The following DLG2 variants were observed in gnomAD, a reference collection of about 807,000 sequenced individuals.
DLG2 encodes disks large homolog 2.
Under a neutral mutation model 132.5 loss-of-function variants are expected in DLG2, and 45 were observed. That is an observed-to-expected ratio of 0.34 (90% confidence interval 0.27 to 0.44). DLG2 has a LOEUF of 0.44. Among genes scored for constraint, DLG2 ranks in the 20% least tolerant of loss-of-function variants. DLG2 has a pLI of 1.00. For synonymous variants in DLG2, 424 were observed against 419.6 expected, an observed-to-expected ratio of 1.01 and a Z score of -0.13; for missense variants, 1,045 against 1,196.9, an observed-to-expected ratio of 0.87 and a Z score of 1.87.
Position 85,154,648 on chromosome 11 carries a change from TA to T in DLG2, c.189del (p.Thr64GlnfsTer74). 6.8e-7 allele frequency: 1 copy of T among 1,460,160 alleles called. No homozygotes were observed. Among genetic ancestry groups the T allele is most frequent in the Non-Finnish European group, 9.3e-7 (1 of 1,074,828 alleles). The allele number at this position is 1,460,160 out of a possible 1,614,324, so 90.5% of individuals were successfully genotyped here. On this transcript the variant is annotated frameshift_variant and splice_region_variant, in exon 5 of 28. Coordinates refer to ENST00000376104, the MANE Select transcript of DLG2 (RefSeq NM_001142699.3). LOFTEE classifies it high-confidence loss of function. ...CHDRLQKSSELTDCSGSKENA... is the reference protein window; with the variant it reads ...CHDRLQKSSEXTDCSGSKENA... The stretch of plus-strand genomic sequence containing the variant: ...TTTTCCTTTGATCCACTGCAATCTG[TA>T]AGCTAAAATAAAAGTTTAAAAAATC...
chr11:84,006,339 A>C (rs978849789), intron 11 of DLG2, among the ~76,000 whole-genome samples: 1 of 151,576 alleles, frequency 6.6e-6, no homozygotes, highest in Non-Finnish European at 1.5e-5. Context: ...GTGCAAATAC[A>C]CTTAGATGAA....
intron 4 of DLG2, among the ~76,000 whole-genome samples, chr11:85,274,862 A>T (rs2077786311): frequency 1.3e-5 from 2 of 152,232 alleles, no homozygotes; most frequent in African/African-American, 4.8e-5. Flanking sequence ...AGAGGCCAAG[A>T]ATAATCTAAA....
intron 6 of DLG2, among the ~76,000 whole-genome samples, chr11:84,700,033 A>T (rs484986): frequency 0.36 from 55,208 of 151,378 alleles, 11,209 homozygotes; most frequent in Middle Eastern, 0.48. Flanking sequence ...AGTATTAGAG[A>T]TATATGCTTT....
chr11:85,000,861 C>T (rs1371278796), intron 6 of DLG2, among the ~76,000 whole-genome samples: 1 of 152,056 alleles, frequency 6.6e-6, no homozygotes, highest in African/African-American at 2.4e-5. Flanking sequence ...TCTGAGAACA[C>T]AGCCTCATCA....
At chr11:83,599,052 C>T (rs935182888) in intron 19 of DLG2, among the ~76,000 whole-genome samples, 2 of 152,176 alleles carry the variant, frequency 1.3e-5, no homozygotes, top group Non-Finnish European at 2.9e-5. Context: ...AAACAGGTTC[C>T]CCTATTTCCT....
intron 18 of DLG2, among the ~76,000 whole-genome samples, chr11:83,688,450 T>C (rs1056056139): frequency 6.6e-6 from 1 of 152,122 alleles, no homozygotes; most frequent in Non-Finnish European, 1.5e-5. Context: ...GATTTATGCA[T>C]CCAGAAGGGA....
chr11:84,779,040 C>T (rs938498805), intron 6 of DLG2, among the ~76,000 whole-genome samples: 1 of 152,160 alleles, frequency 6.6e-6, no homozygotes, highest in Non-Finnish European at 1.5e-5. Context: ...CCTGCACTGT[C>T]GGCTTCCCTA....
intron 4 of DLG2, among the ~76,000 whole-genome samples, chr11:85,201,832 C>A (rs959669297): frequency 1.3e-5 from 2 of 148,910 alleles, no homozygotes; most frequent in African/African-American, 4.9e-5. Context: ...CAAGGAAGCT[C>A]AATGAACTTC....
At chr11:83,885,037 C>T (rs532945930) in intron 15 of DLG2, among the ~76,000 whole-genome samples, 54 of 151,490 alleles carry the variant, frequency 3.6e-4, no homozygotes, top group Middle Eastern at 3.2e-3. Context: ...AAAAGCAGAG[C>T]GCCTCTCCTC....
intron 7 of DLG2, among the ~76,000 whole-genome samples, chr11:84,278,998 G>T (rs934470823): frequency 5.3e-5 from 8 of 152,056 alleles, no homozygotes; most frequent in Non-Finnish European, 8.8e-5. Flanking sequence ...CTTCTGCACA[G>T]CCTATGAAAC....
Position 84,934,502 on chromosome 11 carries a change from GTGTTTTTTTTTTGTTTTGTTT to G in DLG2, c.357+177138_357+177158del, listed in dbSNP as rs1258350702. On this transcript the variant is annotated intron_variant, in intron 6 of 27. Transcript: ENST00000376104. Reference sequence around the variant, plus strand: ...CATCTGTGAATCTGTATGGTCCTGGGTGTTTTTTTTTTGTTTTGTTTTGTTTTTTTTTTTTTTTTTTTTTGG... The same window carrying G: ...CATCTGTGAATCTGTATGGTCCTGGGTGTTTTTTTTTTTTTTTTTTTTTGG... Among the ~76,000 whole-genome samples, 90 of 65,738 alleles carry G rather than the reference GTGTTTTTTTTTTGTTTTGTTT, an allele frequency of 1.4e-3. 3 individuals carry two copies. The highest frequency in any genetic ancestry group is 2.0e-3 in the Non-Finnish European group (74 of 37,434). 43.1% of individuals were successfully genotyped at this position (65,738 alleles called of 152,430 possible). A position where few individuals can be genotyped will look rare whatever the true frequency, so the allele number is the denominator to read the frequency against.
intron 11 of DLG2, among the ~76,000 whole-genome samples, chr11:84,020,872 T>C (rs554194679): frequency 6.6e-6 from 1 of 152,318 alleles, no homozygotes; most frequent in East Asian, 1.9e-4. Context: ...CTTAAAGTGC[T>C]AGAGCCAATT....
At chr11:85,321,894 A>G (rs1421724242) in intron 3 of DLG2, among the ~76,000 whole-genome samples, 2 of 152,068 alleles carry the variant, frequency 1.3e-5, no homozygotes, top group East Asian at 3.8e-4. Flanking sequence ...GTGTGTATAA[A>G]TTTGTTGAGT....
chr11:84,493,549 G>A (rs1049064634), intron 7 of DLG2, among the ~76,000 whole-genome samples: 1 of 151,964 alleles, frequency 6.6e-6, no homozygotes, highest in Non-Finnish European at 1.5e-5. Flanking sequence ...GGATACTGTA[G>A]TAGTCAGAAA....
At chr11:83,773,273 T>A (rs2094466623) in intron 18 of DLG2, among the ~76,000 whole-genome samples, 1 of 152,190 alleles carries the variant, frequency 6.6e-6, no homozygotes, top group South Asian at 2.1e-4. Context: ...GAAATTACAA[T>A]GATGATAATA....
At chr11:84,451,976 A>G (rs1276420306) in intron 7 of DLG2, among the ~76,000 whole-genome samples, 1 of 151,772 alleles carries the variant, frequency 6.6e-6, no homozygotes, top group East Asian at 1.9e-4. Flanking sequence ...ATCACATTCT[A>G]GATATGGTTT....
At chr11:84,815,754 C>T (rs1320777309) in intron 6 of DLG2, among the ~76,000 whole-genome samples, 1 of 151,950 alleles carries the variant, frequency 6.6e-6, no homozygotes, top group Non-Finnish European at 1.5e-5. Flanking sequence ...GGATTATCTG[C>T]CCCAGTGCTC....
At chr11:85,290,514 C>T (rs2078828605) in intron 3 of DLG2, among the ~76,000 whole-genome samples, 1 of 151,550 alleles carries the variant, frequency 6.6e-6, no homozygotes, top group South Asian at 2.1e-4. Context: ...CTGCAATCCT[C>T]TTGCAGTGAC....
intron 3 of DLG2, among the ~76,000 whole-genome samples, chr11:85,552,543 TA>T (rs1249894685): frequency 2.0e-5 from 3 of 151,248 alleles, no homozygotes; most frequent in African/African-American, 7.3e-5. Context: ...TGATATTATT[TA>T]AAAAATAAAA....
Sources: allele counts gnomAD v4.1 joint callset (sites outside exome capture counted in the v4.1 genomes callset), GRCh38; gene constraint gnomAD v4.1.1; transcripts MANE v1.5; gene names NCBI Gene and HGNC (gene_info 2026-07-23, HGNC 2026-07-21).